The following CNTN3 variants were observed in gnomAD, a reference collection of about 807,000 sequenced individuals.
The protein encoded by CNTN3 is contactin-3.
CNTN3 carries 60 observed loss-of-function variants against 119.1 expected under a neutral mutation model. The observed-to-expected ratio is 0.50, with a 90% CI of 0.41 to 0.62. The LOEUF is 0.62. Among genes scored for constraint, CNTN3 ranks in the 20% least tolerant of loss-of-function variants. The probability of loss-of-function intolerance (pLI) is 0.00; values close to 1 mark genes in which losing one functional copy is unlikely to be tolerated. For synonymous variants in CNTN3, 450 were observed against 438.7 expected, an observed-to-expected ratio of 1.03 and a Z score of -0.32; for missense variants, 1,101 against 1,242.4, an observed-to-expected ratio of 0.89 and a Z score of 1.71.
intron 1 of CNTN3, among the ~76,000 whole-genome samples, chr3:74,530,318 C>T (rs1703676213): frequency 6.6e-6 from 1 of 151,908 alleles, no homozygotes; most frequent in African/African-American, 2.4e-5. Flanking sequence ...GAAGTGCAAA[C>T]ATTTAAAGGA....
At chr3:74,526,485 C>T (rs868104513) in intron 1 of CNTN3, among the ~76,000 whole-genome samples, 12 of 151,832 alleles carry the variant, frequency 7.9e-5, no homozygotes, top group Admixed American at 5.3e-4. Flanking sequence ...TTCACTCATC[C>T]ATAATCTTCA....
Position 74,451,885 on chromosome 3 carries a change from G to A in CNTN3, c.359-26945C>T, listed in dbSNP as rs1414245879. On this transcript the variant is annotated intron_variant, in intron 4 of 22. Transcript: ENST00000263665. ...TTCCATTGATCTATATCTCTGTTTT[G>A]GTACCAGTACCATGCTGTTTTGGTT... 2.2e-5 allele frequency among the ~76,000 whole-genome samples: 3 copies of A among 139,078 alleles called. No individual in the cohort carries two copies. In the East Asian group the frequency reaches 6.4e-4, roughly 30 times the overall value. The allele number at this position is 139,078 out of a possible 152,430, so 91.2% of individuals were successfully genotyped here.
At chr3:74,517,934 A>G (rs1206028350) in intron 2 of CNTN3, among the ~76,000 whole-genome samples, 2 of 151,950 alleles carry the variant, frequency 1.3e-5, no homozygotes, top group Non-Finnish European at 2.9e-5. Context: ...AGGGGTATTT[A>G]AAAACACTTT....
At chr3:74,318,481 G>T (rs758292927) in intron 13 of CNTN3, among the ~76,000 whole-genome samples, 1 of 152,016 alleles carries the variant, frequency 6.6e-6, no homozygotes, top group African/African-American at 2.4e-5. Context: ...TCTACTTGTC[G>T]TCTTTGATGA....
intron 4 of CNTN3, among the ~76,000 whole-genome samples, chr3:74,431,945 G>C (rs912207541): frequency 2.0e-5 from 3 of 152,096 alleles, no homozygotes; most frequent in African/African-American, 7.2e-5. Flanking sequence ...GATGCTATGA[G>C]GTGAAGTGTT....
At chr3:74,527,422 C>T (rs1703635819) in intron 1 of CNTN3, among the ~76,000 whole-genome samples, 2 of 151,800 alleles carry the variant, frequency 1.3e-5, no homozygotes, top group South Asian at 2.1e-4. Context: ...GGCGGCAATA[C>T]AAAAATATTG....
intron 1 of CNTN3, among the ~76,000 whole-genome samples, chr3:74,558,429 T>C (rs1704102963): frequency 6.6e-6 from 1 of 152,200 alleles, no homozygotes; most frequent in South Asian, 2.1e-4. Flanking sequence ...GTTAGTCTTA[T>C]CTACATATCC....
chr3:74,369,237 C>G lies in CNTN3; in HGVS notation c.898G>C (p.Glu300Gln). ...GCAACATTTTTTCCTCGTGAATTCT[C>G]AGCAATGCATTCATAGGAACCTGCA... ...EDAGSYECIA[E>Q]NSRGKNVARG... The change falls in exon 8 of 23, where the codon GAG (glutamate) becomes CAG (glutamine). Residue 300 changes from glutamate to glutamine, a missense_variant. Glu to Gln is a conservative substitution (Grantham distance 29). Coordinates refer to ENST00000263665, the MANE Select transcript of CNTN3 (RefSeq NM_020872.3). The G allele has an allele frequency of 6.2e-7, 1 of 1,610,394 alleles. No individual in the cohort carries two copies. The highest frequency in any genetic ancestry group is 1.3e-5 in the African/African-American group (1 of 74,746).
intron 4 of CNTN3, among the ~76,000 whole-genome samples, chr3:74,477,618 G>A (rs1702682460): frequency 2.0e-5 from 3 of 152,000 alleles, no homozygotes; most frequent in Admixed American, 6.6e-5. Context: ...AGGTGGAGAT[G>A]GTTAATGGGT....
intron 1 of CNTN3, among the ~76,000 whole-genome samples, chr3:74,586,933 T>A (rs1453929067): frequency 6.6e-6 from 1 of 152,092 alleles, no homozygotes; most frequent in East Asian, 1.9e-4. Flanking sequence ...CTGCCTAGCA[T>A]CTATCCTGCC....
chr3:74,339,740 C>T (rs781530969), intron 11 of CNTN3, among the ~76,000 whole-genome samples: 11 of 152,158 alleles, frequency 7.2e-5, no homozygotes, highest in Middle Eastern at 3.4e-3. Flanking sequence ...GAGTAAATGA[C>T]GGTATGCCTT....
intron 14 of CNTN3, 61 bp from the exon 15 acceptor site, chr3:74,301,866 C>G (rs779486829): frequency 2.0e-4 from 310 of 1,553,806 alleles, no homozygotes; most frequent in Non-Finnish European, 2.7e-4. Context: ...CCTCTCCTAT[C>G]AAAGAGAAGA....
At chr3:74,361,604 T>C (rs994162666) in intron 11 of CNTN3, among the ~76,000 whole-genome samples, 44 of 152,336 alleles carry the variant, frequency 2.9e-4, no homozygotes, top group African/African-American at 9.9e-4. Context: ...TCAACATTCC[T>C]TCATCATTCT....
intron 1 of CNTN3, among the ~76,000 whole-genome samples, chr3:74,562,811 C>T (rs540758079): frequency 6.6e-6 from 1 of 150,600 alleles, no homozygotes; most frequent in African/African-American, 2.5e-5. Context: ...TCAACTAGTT[C>T]AGACAGAAGA....
At chr3:74,541,138 A>C (rs1415181798) in intron 1 of CNTN3, among the ~76,000 whole-genome samples, 1 of 152,146 alleles carries the variant, frequency 6.6e-6, no homozygotes, top group Non-Finnish European at 1.5e-5. Context: ...GTAGGAGTGT[A>C]AGTCCATACT....
chr3:74,610,747 G>T (rs966061223), intron 1 of CNTN3, among the ~76,000 whole-genome samples: 1 of 152,128 alleles, frequency 6.6e-6, no homozygotes, highest in Non-Finnish European at 1.5e-5. Flanking sequence ...TCCCAGGAGA[G>T]AAGATGGGGA....
Position 74,285,413 on chromosome 3 carries a change from G to C in CNTN3, c.2596C>G (p.Leu866Val). The C allele has an allele frequency of 6.2e-7, 1 of 1,613,570 alleles. No individual in the cohort carries two copies. The highest frequency in any genetic ancestry group is 8.5e-7 in the Non-Finnish European group (1 of 1,179,744). ...GCCAGGTTGCTCTTCAGGCCCCGTA[G>C]TCTGGCTGATGTCTCATTTCCTGCC... is the stretch of plus-strand genomic sequence containing the variant. ...KVAGNETSAR[L>V]RGLKSNLAYY... Residue 866 changes from leucine to valine, a missense_variant, in exon 20 of 23, where the codon CTA becomes GTA. Coordinates refer to ENST00000263665, the MANE Select transcript of CNTN3 (RefSeq NM_020872.3).
chr3:74,302,539 C>A (rs761047487), intron 14 of CNTN3, 151 bp downstream of exon 14: 63 of 560,338 alleles, frequency 1.1e-4, no homozygotes, highest in Non-Finnish European at 2.0e-4. Flanking sequence ...TTAGCACTCA[C>A]CCCTATTGTC....
intron 2 of CNTN3, among the ~76,000 whole-genome samples, chr3:74,510,290 G>A (rs958928483): frequency 3.9e-5 from 6 of 151,906 alleles, no homozygotes; most frequent in South Asian, 4.2e-4. Context: ...TAACGGAAGC[G>A]AATTCAGTGA....
Sources: allele counts gnomAD v4.1 joint callset (sites outside exome capture counted in the v4.1 genomes callset), GRCh38; gene constraint gnomAD v4.1.1; transcripts MANE v1.5; gene names NCBI Gene and HGNC (gene_info 2026-07-23, HGNC 2026-07-21).